The following TRHDE variants were observed in gnomAD, a reference collection of about 807,000 sequenced individuals.
TRHDE encodes thyrotropin releasing hormone degrading enzyme.
TRHDE carries 72 observed loss-of-function variants against 125.7 expected under a neutral mutation model. The observed-to-expected ratio is 0.57, with a 90% CI of 0.47 to 0.70. The LOEUF (loss-of-function observed/expected upper bound fraction) is 0.70, where lower values mean the gene tolerates loss of function less well. Ranked by LOEUF, TRHDE falls within the 30% of genes least tolerant of loss-of-function variation. The probability of loss-of-function intolerance (pLI) is 0.00; values close to 1 mark genes in which losing one functional copy is unlikely to be tolerated. For missense variants in TRHDE, 1,110 were observed against 1,327.1 expected, an observed-to-expected ratio of 0.84 and a Z score of 2.54; for synonymous variants, 509 against 509.1, an observed-to-expected ratio of 1.00 and a Z score of 0.00.
chr12:72,599,124 C>T (rs1872102219), intron 12 of TRHDE, among the ~76,000 whole-genome samples: 1 of 151,970 alleles, frequency 6.6e-6, no homozygotes, highest in Non-Finnish European at 1.5e-5. Context: ...ATCTAACCCA[C>T]TGCTGATGTG....
At chr12:72,253,845 G>C (rs1458741054) in intron 2 of TRHDE, 1 of 151,634 alleles carries the variant, frequency 6.6e-6, no homozygotes, top group Non-Finnish European at 1.5e-5. Context: ...TTAATTTGGG[G>C]GCTTATGATG....
At chr12:72,277,058 C>T (rs762218517) in intron 1 of TRHDE, among the ~76,000 whole-genome samples, 3 of 152,162 alleles carry the variant, frequency 2.0e-5, no homozygotes, top group Non-Finnish European at 4.4e-5. Flanking sequence ...ACATTTTGTT[C>T]ACTTTCAAAA....
At chr12:72,413,287 G>A (rs1873589878) in intron 3 of TRHDE, among the ~76,000 whole-genome samples, 1 of 151,690 alleles carries the variant, frequency 6.6e-6, no homozygotes, top group Admixed American at 6.6e-5. Flanking sequence ...CTTTTTAGGT[G>A]GAAGAGAACT....
At chr12:72,559,709 T>A (rs975828416) in intron 7 of TRHDE, among the ~76,000 whole-genome samples, 2 of 152,222 alleles carry the variant, frequency 1.3e-5, no homozygotes, top group Admixed American at 6.5e-5. Flanking sequence ...TACACATAAA[T>A]GTAAACTTAG....
intron 2 of TRHDE, among the ~76,000 whole-genome samples, chr12:72,207,896 A>G (rs1877701202): frequency 6.6e-6 from 1 of 152,100 alleles, no homozygotes; most frequent in Non-Finnish European, 1.5e-5. Flanking sequence ...GGTTCTTATA[A>G]AGTCTGAAGA....
At chr12:72,535,282 G>T (rs950346116) in intron 6 of TRHDE, among the ~76,000 whole-genome samples, 2 of 152,038 alleles carry the variant, frequency 1.3e-5, no homozygotes, top group Non-Finnish European at 2.9e-5. Context: ...CTAAGTACAT[G>T]ACAGAACCAG....
At chr12:72,548,093 T>C (rs755537808) in intron 7 of TRHDE, among the ~76,000 whole-genome samples, 2 of 151,912 alleles carry the variant, frequency 1.3e-5, no homozygotes, top group African/African-American at 2.4e-5. Flanking sequence ...TAGTGTAACA[T>C]TGGGGTGGAA....
At chr12:72,100,733 A>G (rs951380581) in intron 1 of TRHDE, among the ~76,000 whole-genome samples, 4 of 152,186 alleles carry the variant, frequency 2.6e-5, no homozygotes, top group Non-Finnish European at 5.9e-5. Flanking sequence ...CCTCTCCAAG[A>G]CATATTTGTG....
intron 3 of TRHDE, among the ~76,000 whole-genome samples, chr12:72,379,429 A>G (rs1872045781): frequency 6.6e-6 from 1 of 152,082 alleles, no homozygotes; most frequent in Admixed American, 6.6e-5. Context: ...TTATACTTAA[A>G]TCTCCCTGGT....
At chr12:72,517,702 G>A (rs1878950750) in intron 6 of TRHDE, among the ~76,000 whole-genome samples, 1 of 151,770 alleles carries the variant, frequency 6.6e-6, no homozygotes, top group Non-Finnish European at 1.5e-5. Context: ...GAATGTGTTT[G>A]CTGTTGCTTT....
intron 2 of TRHDE, among the ~76,000 whole-genome samples, chr12:72,219,224 G>C (rs1877956135): frequency 6.6e-6 from 1 of 150,852 alleles, no homozygotes; most frequent in Non-Finnish European, 1.5e-5. Flanking sequence ...CTCCTAAACT[G>C]ATTTATCTAT....
intron 3 of TRHDE, among the ~76,000 whole-genome samples, chr12:72,397,677 C>T (rs930180056): frequency 1.4e-4 from 21 of 152,082 alleles, no homozygotes; most frequent in African/African-American, 5.1e-4. Flanking sequence ...AAATGCTTTT[C>T]ACTAGAAATG....
At chr12:72,430,414 C>T (rs112258278) in intron 3 of TRHDE, among the ~76,000 whole-genome samples, 15,348 of 142,046 alleles carry the variant, frequency 0.11, 1,166 homozygotes, top group African/African-American at 0.21. Context: ...TATATATGTG[C>T]ATATATATAC....
chr12:72,457,858 A>G (rs1875936540), intron 3 of TRHDE, among the ~76,000 whole-genome samples: 2 of 152,334 alleles, frequency 1.3e-5, no homozygotes, highest in South Asian at 4.1e-4. Context: ...AACAACTGCA[A>G]ATTTCAAGAG....
chr12:72,244,513 A>C (rs1200439933), intron 2 of TRHDE, among the ~76,000 whole-genome samples: 1 of 151,816 alleles, frequency 6.6e-6, no homozygotes, highest in Non-Finnish European at 1.5e-5. Context: ...ACAAATTCCC[A>C]ATAAAATTTT....
chr12:72,293,526 A>G (rs1031240523), intron 2 of TRHDE, among the ~76,000 whole-genome samples: 22 of 152,270 alleles, frequency 1.4e-4, no homozygotes, highest in African/African-American at 5.3e-4. Context: ...GCTTCCTCTC[A>G]TCTTTGGTTC....
chr12:72,613,436 G>T (rs1215143094), intron 12 of TRHDE, among the ~76,000 whole-genome samples: 3 of 152,108 alleles, frequency 2.0e-5, no homozygotes, highest in Non-Finnish European at 4.4e-5. Context: ...TTAAAAAAAT[G>T]GTTATGTTTA....
At chr12:72,655,125 C>T (rs566076850) in intron 17 of TRHDE, among the ~76,000 whole-genome samples, 97 of 152,074 alleles carry the variant, frequency 6.4e-4, no homozygotes, top group Middle Eastern at 3.4e-3. Flanking sequence ...CAGGCTGGAG[C>T]GCAGTGGCAC....
In TRHDE at chr12:72,155,014, G is replaced by A. The variant is rs559594909; in HGVS notation, n.279+49262G>A. ...TTTCTAACTTGGTTCCATTCTCCCC[G>A]TCACTTTCAGGTACACCAATCAGAC... is the stretch of plus-strand genomic sequence containing the variant. On this transcript the variant is annotated intron_variant and non_coding_transcript_variant, in intron 2 of 4. Transcript: ENST00000548156. Among the ~76,000 whole-genome samples, 57 of 152,244 alleles carry A rather than the reference G, an allele frequency of 3.7e-4. 1 individual carries two copies. The highest frequency in any genetic ancestry group is 9.2e-4 in the Admixed American group (14 of 15,292).
Sources: allele counts gnomAD v4.1 joint callset (sites outside exome capture counted in the v4.1 genomes callset), GRCh38; gene constraint gnomAD v4.1.1; transcripts MANE v1.5; gene names NCBI Gene and HGNC (gene_info 2026-07-23, HGNC 2026-07-21).